The following ARMC3 variants were observed in gnomAD, a reference collection of about 807,000 sequenced individuals.
The protein encoded by ARMC3 is armadillo repeat-containing protein 3.
ARMC3 carries 74 observed loss-of-function variants against 90.3 expected under a neutral mutation model. The ratio of observed to expected loss-of-function variants is 0.82; its 90% CI spans 0.68 to 0.99. The LOEUF (loss-of-function observed/expected upper bound fraction) is 0.99, where lower values mean the gene tolerates loss of function less well. Among genes scored for constraint, ARMC3 ranks in the 50% least tolerant of loss-of-function variants. ARMC3 has a pLI of 0.00. For missense variants in ARMC3, 958 were observed against 1,042.8 expected, an observed-to-expected ratio of 0.92 and a Z score of 1.12; for synonymous variants, 334 against 361.8, an observed-to-expected ratio of 0.92 and a Z score of 0.87.
intron 3 of ARMC3, among the ~76,000 whole-genome samples, chr10:22,950,165 C>A (rs1351472824): frequency 1.3e-5 from 2 of 151,840 alleles, no homozygotes; most frequent in Non-Finnish European, 2.9e-5. Context: ...CAGAAGGAAA[C>A]TAACACTAGA....
Position 23,036,866 on chromosome 10 carries a change from A to T in ARMC3, c.2410-404A>T, listed in dbSNP as rs1588949069. Among the ~76,000 whole-genome samples the T allele has an allele frequency of 2.0e-5, 3 of 151,156 alleles. No individual in the cohort carries two copies. In the East Asian group the frequency reaches 5.8e-4, roughly 29 times the overall value. On this transcript the variant is annotated intron_variant, in intron 18 of 18. Coordinates refer to ENST00000298032, the MANE Select transcript of ARMC3 (RefSeq NM_173081.5). ...TGGCACGCAGAATAGTTTAGCTGGA[A>T]AGAGCCCCCGCCCCAGGGTGATGCC...
At chr10:23,013,855 CTT>C (rs68155467) in intron 16 of ARMC3, among the ~76,000 whole-genome samples, 4 of 148,994 alleles carry the variant, frequency 2.7e-5, no homozygotes, top group South Asian at 2.1e-4. Context: ...TGGGACCACG[CTT>C]TTTTTTTTAT....
chr10:22,967,728 T>C (rs962918473), intron 7 of ARMC3, among the ~76,000 whole-genome samples: 1 of 152,222 alleles, frequency 6.6e-6, no homozygotes, highest in African/African-American at 2.4e-5. Flanking sequence ...TCCATGAACA[T>C]TGGCCACAAT....
intron 2 of ARMC3, among the ~76,000 whole-genome samples, chr10:22,945,308 T>C (rs1834483471): frequency 6.6e-6 from 1 of 152,194 alleles, no homozygotes; most frequent in African/African-American, 2.4e-5. Flanking sequence ...ATACAGTTTT[T>C]TTCCTTTATC....
At chr10:23,034,323 C>T (rs1839040946) in intron 18 of ARMC3, among the ~76,000 whole-genome samples, 2 of 152,176 alleles carry the variant, frequency 1.3e-5, no homozygotes, top group Admixed American at 6.5e-5. Context: ...ATAATAGCTA[C>T]AATTACTACC....
chr10:23,003,525 C>T, intron 13 of ARMC3, 111 bp downstream of exon 13: 1 of 967,422 alleles, frequency 1.0e-6, no homozygotes, highest in Non-Finnish European at 1.4e-6. Flanking sequence ...TATATTTTTA[C>T]AGGCAGAAAC....
intron 10 of ARMC3, among the ~76,000 whole-genome samples, chr10:22,995,571 C>G (rs1836912961): frequency 6.6e-6 from 1 of 152,252 alleles, no homozygotes; most frequent in Non-Finnish European, 1.5e-5. Flanking sequence ...ATGCATTTCC[C>G]TTTACTGTCT....
At chr10:23,007,828 T>C (rs1837700704) in intron 14 of ARMC3, among the ~76,000 whole-genome samples, 2 of 152,152 alleles carry the variant, frequency 1.3e-5, no homozygotes, top group African/African-American at 4.8e-5. Flanking sequence ...AATAGTCTTC[T>C]TGCAGTGGCT....
At position 23,008,695 on chromosome 10, in the gene ARMC3, A is replaced by C. The variant is rs528314499; in HGVS notation, c.1929-120A>C. ...ATCATGGGGAAAGGAATCAAGTTAT[A>C]TAATGAAGTAAAAATTGTATAATGA... On this transcript the variant is annotated intron_variant, in intron 15 of 18. Transcript: ENST00000298032. 4.8e-6 allele frequency: 4 copies of C among 825,952 alleles called. No homozygotes were observed. In the South Asian group the frequency reaches 5.5e-5, roughly 11 times the overall value. 51.2% of individuals were successfully genotyped at this position (825,952 alleles called of 1,614,324 possible). A position where few individuals can be genotyped will look rare whatever the true frequency, so the allele number is the denominator to read the frequency against.
At chr10:23,005,345 C>T (rs570002162) in intron 13 of ARMC3, among the ~76,000 whole-genome samples, 1 of 151,616 alleles carries the variant, frequency 6.6e-6, no homozygotes, top group South Asian at 2.1e-4. Flanking sequence ...TGTGACAAAA[C>T]GTGTTTGGTC....
At chr10:23,009,610 T>A (rs1411329642) in intron 16 of ARMC3, among the ~76,000 whole-genome samples, 1 of 152,234 alleles carries the variant, frequency 6.6e-6, no homozygotes, top group Non-Finnish European at 1.5e-5. Flanking sequence ...GCAATTCTCC[T>A]GCTTCAACCT....
intron 13 of ARMC3, among the ~76,000 whole-genome samples, chr10:23,006,176 C>T (rs1361055882): frequency 1.3e-5 from 2 of 152,248 alleles, no homozygotes; most frequent in African/African-American, 2.4e-5. Flanking sequence ...ATGTGCTAGG[C>T]ACAGCAGGAA....
intron 2 of ARMC3, among the ~76,000 whole-genome samples, chr10:22,942,838 T>G (rs1834370947): frequency 6.6e-6 from 1 of 152,304 alleles, no homozygotes; most frequent in African/African-American, 2.4e-5. Context: ...GAACCCAAAC[T>G]GGTATATTTA....
intron 7 of ARMC3, among the ~76,000 whole-genome samples, chr10:22,965,835 C>T (rs571156584): frequency 6.6e-6 from 1 of 152,248 alleles, no homozygotes; most frequent in South Asian, 2.1e-4. Context: ...CTTTTCAAGT[C>T]TTAAATTTCC....
chr10:22,950,407 C>T (rs940563517), intron 3 of ARMC3, among the ~76,000 whole-genome samples: 1 of 152,058 alleles, frequency 6.6e-6, no homozygotes, highest in Non-Finnish European at 1.5e-5. Flanking sequence ...CATAATACCA[C>T]TTCAAAGTAG....
intron 8 of ARMC3, among the ~76,000 whole-genome samples, chr10:22,974,636 T>TTTTG (rs777481352): frequency 2.2e-4 from 33 of 151,982 alleles, no homozygotes; most frequent in Middle Eastern, 3.4e-3. Context: ...ATCTGTTTTT[T>TTTTG]TTTGTTTGTT....
At chr10:23,005,205 TC>T (rs1837529667) in intron 13 of ARMC3, among the ~76,000 whole-genome samples, 1 of 103,894 alleles carries the variant, frequency 9.6e-6, no homozygotes, top group Non-Finnish European at 1.7e-5. Flanking sequence ...AGAGCTAGAC[TC>T]GTCTCAAAAA....
intron 13 of ARMC3, 130 bp downstream of exon 13, chr10:23,003,544 C>A: frequency 1.2e-6 from 1 of 812,352 alleles, no homozygotes; most frequent in Non-Finnish European, 1.8e-6. Context: ...ACTTGAAAAT[C>A]AGCACTTCAT....
intron 3 of ARMC3, among the ~76,000 whole-genome samples, chr10:22,952,091 C>T (rs1834759680): frequency 6.6e-6 from 1 of 152,038 alleles, no homozygotes; most frequent in Admixed American, 6.6e-5. Context: ...TGCCACTGCA[C>T]TCCAGCCTGG....
Sources: gnomAD v4.1 joint callset for allele counts (sites outside exome capture counted in the v4.1 genomes callset) on GRCh38, gnomAD v4.1.1 for gene constraint, MANE v1.5 for transcripts, NCBI Gene and HGNC (gene_info 2026-07-23, HGNC 2026-07-21) for gene names.